GNAL: variants seen among roughly 807,000 people sequenced by gnomAD.
The protein encoded by GNAL is G protein subunit alpha L.
GNAL carries 18 observed loss-of-function variants against 55.1 expected under a neutral mutation model. The observed-to-expected ratio is 0.33, with a 90% CI of 0.23 to 0.48. The LOEUF is 0.48. Ranked by LOEUF, GNAL falls within the 20% of genes least tolerant of loss-of-function variation. The pLI is 0.99. For synonymous variants in GNAL, 253 were observed against 237.0 expected (o/e 1.07, Z -0.62); for missense variants, 412 against 614.1 (o/e 0.67, Z 3.48).
chr18:11,803,234 C>T (rs946949109), intron 4 of GNAL, among the ~76,000 whole-genome samples: 1 of 152,210 alleles, frequency 6.6e-6, no homozygotes, highest in African/African-American at 2.4e-5. Context: ...CAACTCCCAA[C>T]TCCTTCCTCC....
chr18:11,838,579 T>C (rs534741025), intron 5 of GNAL, among the ~76,000 whole-genome samples: 1 of 152,198 alleles, frequency 6.6e-6, no homozygotes, highest in Non-Finnish European at 1.5e-5. Flanking sequence ...CTTGGACACT[T>C]CAGTAAAATT....
chr18:11,744,515 A>G (rs1305532207), intron 1 of GNAL, among the ~76,000 whole-genome samples: 1 of 152,030 alleles, frequency 6.6e-6, no homozygotes, highest in Non-Finnish European at 1.5e-5. Context: ...AGATACTAAG[A>G]AAAAAAAGAG....
chr18:11,834,804 C>G (rs142291827), intron 5 of GNAL, among the ~76,000 whole-genome samples: 64 of 152,268 alleles, frequency 4.2e-4, no homozygotes, highest in African/African-American at 1.5e-3. Context: ...AATGTGACAT[C>G]TGATAAACGT....
chr18:11,881,144 C>A lies in GNAL; in HGVS notation c.*9C>A. ...AGTATGAGCTCTTGTGAGGATGCTG[C>A]CGCCACCCTGCGACGGAGCGGCGCC... On this transcript the variant is annotated 3_prime_UTR_variant, in exon 12 of 12. Coordinates refer to ENST00000334049, the MANE Select transcript of GNAL (RefSeq NM_182978.4). This position sits in a 1 kb window ranked among gnomAD's most constrained non-coding sequence, Gnocchi z 4.8. 6.3e-7 allele frequency: 1 copy of A among 1,599,994 alleles called. No homozygotes were observed. Among genetic ancestry groups the A allele is most frequent in the South Asian group, 1.1e-5 (1 of 89,494 alleles).
intron 5 of GNAL, among the ~76,000 whole-genome samples, chr18:11,827,072 G>A (rs1233312835): frequency 6.6e-6 from 1 of 152,176 alleles, no homozygotes; most frequent in East Asian, 1.9e-4. Flanking sequence ...GGAAGGAGGA[G>A]GGCTGATGGT....
At chr18:11,808,162 A>G (rs1190280062) in intron 4 of GNAL, among the ~76,000 whole-genome samples, 1 of 152,020 alleles carries the variant, frequency 6.6e-6, no homozygotes, top group Non-Finnish European at 1.5e-5. Flanking sequence ...GTCACTCTGC[A>G]GGGAGTGGAA....
At chr18:11,805,807 C>G (rs958049870) in intron 4 of GNAL, among the ~76,000 whole-genome samples, 1 of 152,168 alleles carries the variant, frequency 6.6e-6, no homozygotes, top group African/African-American at 2.4e-5. Flanking sequence ...CTGTGATACA[C>G]ATATGAGTGT....
At chr18:11,848,686 G>A (rs937411683) in intron 5 of GNAL, among the ~76,000 whole-genome samples, 2 of 151,752 alleles carry the variant, frequency 1.3e-5, no homozygotes, top group Non-Finnish European at 2.9e-5. Context: ...TGAACCCCTG[G>A]CCTCAAGCGA....
At position 11,753,720 on chromosome 18, in the gene GNAL, CAAGTGCTCTTCATTCTA is replaced by C. The variant is rs1366879546; in HGVS notation, c.504+41_504+57del. On this transcript the variant is annotated intron_variant, in intron 3 of 11. Transcript: ENST00000334049. Reference sequence around the variant, plus strand: ...TTAAATGATTGTTTACTAGAAAGGTCAAGTGCTCTTCATTCTAAAACTGTGTAGACAGAAATTACATA... The same window carrying C: ...TTAAATGATTGTTTACTAGAAAGGTCAAACTGTGTAGACAGAAATTACATA... 5 of 1,469,052 alleles carry C rather than the reference CAAGTGCTCTTCATTCTA, an allele frequency of 3.4e-6. No individual in the cohort carries two copies. In the African/African-American group the frequency reaches 5.6e-5, roughly 16 times the overall value. The allele number at this position is 1,469,052 out of a possible 1,614,324, so 91.0% of individuals were successfully genotyped here.
At chr18:11,735,106 A>C (rs570941839) in intron 1 of GNAL, among the ~76,000 whole-genome samples, 21 of 151,634 alleles carry the variant, frequency 1.4e-4, no homozygotes, top group African/African-American at 4.8e-4. Context: ...GTTATAGTGC[A>C]ATGGCACGAT....
chr18:11,836,985 G>A (rs904990910), intron 5 of GNAL, among the ~76,000 whole-genome samples: 5 of 152,020 alleles, frequency 3.3e-5, no homozygotes, highest in Non-Finnish European at 5.9e-5. Context: ...ATGGAGTCTC[G>A]CTCTGTCACC....
chr18:11,754,012 T>G (rs747231872), intron 4 of GNAL, 67 bp downstream of exon 4: 2 of 1,225,804 alleles, frequency 1.6e-6, no homozygotes, highest in African/African-American at 3.0e-5. Flanking sequence ...AGGTTTCTTA[T>G]TGAGAATCAA....
intron 4 of GNAL, among the ~76,000 whole-genome samples, chr18:11,811,171 A>G (rs993407797): frequency 2.0e-5 from 3 of 152,128 alleles, no homozygotes; most frequent in Non-Finnish European, 2.9e-5. Flanking sequence ...CTTGCACCCA[A>G]AGCCGCCAAA....
chr18:11,847,993 C>T (rs141809977), intron 5 of GNAL, among the ~76,000 whole-genome samples: 1 of 152,202 alleles, frequency 6.6e-6, no homozygotes, highest in African/African-American at 2.4e-5. Context: ...AAATCCAACT[C>T]GAATGACAAG....
chr18:11,813,165 G>A (rs1187503561), intron 4 of GNAL, among the ~76,000 whole-genome samples: 1 of 151,366 alleles, frequency 6.6e-6, no homozygotes, highest in African/African-American at 2.4e-5. Context: ...TGAGGCAGGA[G>A]AATTGGTGGA....
chr18:11,712,491 G>A (rs1320766305), intron 1 of GNAL, among the ~76,000 whole-genome samples: 1 of 152,146 alleles, frequency 6.6e-6, no homozygotes. Context: ...TTTTTCAGCA[G>A]GGCAATAAAT....
At chr18:11,723,948 TG>T (rs1038698414) in intron 1 of GNAL, among the ~76,000 whole-genome samples, 77 of 152,326 alleles carry the variant, frequency 5.1e-4, no homozygotes, top group Middle Eastern at 6.8e-3. Context: ...GAGAAGGAAC[TG>T]GTCTTTGAAA....
At chr18:11,799,812 A>G (rs1293349732) in intron 4 of GNAL, among the ~76,000 whole-genome samples, 1 of 152,024 alleles carries the variant, frequency 6.6e-6, no homozygotes, top group African/African-American at 2.4e-5. Context: ...TGACAATGGC[A>G]CAGTTTACAA....
At chr18:11,786,887 C>T (rs1407228464) in intron 4 of GNAL, among the ~76,000 whole-genome samples, 2 of 152,084 alleles carry the variant, frequency 1.3e-5, no homozygotes, top group Non-Finnish European at 2.9e-5. Context: ...TTACCCCAGC[C>T]CTGTCCAGAG....
Sources: allele counts gnomAD v4.1 joint callset (sites outside exome capture counted in the v4.1 genomes callset), GRCh38; gene constraint gnomAD v4.1.1; non-coding constraint Gnocchi (gnomAD v3.1); transcripts MANE v1.5; gene names NCBI Gene and HGNC (gene_info 2026-07-23, HGNC 2026-07-21).